Variants in FREM1 observed in about 807,000 individuals in gnomAD.
The protein encoded by FREM1 is FRAS1 related extracellular matrix 1.
FREM1 carries 220 observed loss-of-function variants against 210.1 expected under a neutral mutation model. The observed-to-expected ratio is 1.05, with a 90% CI of 0.94 to 1.17. The LOEUF (loss-of-function observed/expected upper bound fraction) is 1.17. Ranked by LOEUF, FREM1 falls within the 50% of genes most tolerant of loss-of-function variation. The pLI is 0.00. For synonymous variants in FREM1, 1,189 were observed against 980.2 expected (o/e 1.21, Z -3.98); for missense variants, 3,454 against 2,675.5 (o/e 1.29, Z -6.42).
At chr9:14,909,883 A>G (rs942024921) in intron 1 of FREM1, 31 bp downstream of exon 1, 2 of 152,256 alleles carry the variant, frequency 1.3e-5, no homozygotes, top group African/African-American at 2.4e-5. Context: ...CACAGTCACA[A>G]TGAAAAGAAA....
At chr9:14,747,520 CA>C in intron 32 of FREM1, 92 bp from the exon 33 acceptor site, 2 of 1,318,728 alleles carry the variant, frequency 1.5e-6, no homozygotes, top group Non-Finnish European at 2.1e-6. Context: ...TCAGTCAAAG[CA>C]AAAAGATAAG....
Position 14,885,566 on chromosome 9 carries a change from G to A in FREM1, c.-267-16322C>T, listed in dbSNP as rs573466613. Reference sequence around the variant, plus strand: ...CCCAGGTACCTGGGACTACAGGCATGCACCACCACATCTGGCTAATTGTTT... The same window carrying A: ...CCCAGGTACCTGGGACTACAGGCATACACCACCACATCTGGCTAATTGTTT... On this transcript the variant is annotated intron_variant, in intron 1 of 36. Transcript: ENST00000380880. Among the ~76,000 whole-genome samples, 237 of 152,192 alleles carry A rather than the reference G, an allele frequency of 1.6e-3. 1 individual carries two copies. The highest frequency in any genetic ancestry group is 5.3e-3 in the African/African-American group (220 of 41,536).
intron 20 of FREM1, among the ~76,000 whole-genome samples, chr9:14,799,222 G>A (rs1329838163): frequency 2.6e-5 from 4 of 151,866 alleles, no homozygotes; most frequent in African/African-American, 7.3e-5. Context: ...GGAAGTCCAG[G>A]CTGGAGTGAA....
chr9:14,801,889 A>G lies in FREM1; in HGVS notation c.3472-15T>C. 6.3e-7 allele frequency: 1 copy of G among 1,575,948 alleles called. No individual in the cohort carries two copies. The highest frequency in any genetic ancestry group is 8.7e-7 in the Non-Finnish European group (1 of 1,155,414). On this transcript the variant is annotated splice_polypyrimidine_tract_variant and intron_variant, in intron 19 of 36. Transcript: ENST00000380880. ...CCCTCACACACCTGAGCAAGAACAC[A>G]TGAGAAAAGTCAACAATGCATAAAA...
At chr9:14,864,268 T>A (rs1255177532) in intron 2 of FREM1, among the ~76,000 whole-genome samples, 1 of 152,244 alleles carries the variant, frequency 6.6e-6, no homozygotes, top group Non-Finnish European at 1.5e-5. Context: ...AGCAATTGAG[T>A]TAGAGAGTTC....
chr9:14,870,952 A>C (rs1171489917), intron 1 of FREM1, among the ~76,000 whole-genome samples: 1 of 151,500 alleles, frequency 6.6e-6, no homozygotes, highest in Admixed American at 6.6e-5. Flanking sequence ...ATGATTTCCA[A>C]TTTCATCCAT....
chr9:14,797,468 T>C (rs1227165291), intron 21 of FREM1, 30 bp downstream of exon 21: 1 of 1,570,322 alleles, frequency 6.4e-7, no homozygotes, highest in Non-Finnish European at 8.7e-7. Context: ...TGTATAGAAA[T>C]CTGAAAGGGA....
chr9:14,809,089 C>A (rs574224335), intron 16 of FREM1, among the ~76,000 whole-genome samples: 80 of 152,260 alleles, frequency 5.3e-4, no homozygotes, highest in African/African-American at 1.9e-3. Flanking sequence ...GGGGGCAGGT[C>A]TTTCCTGCGC....
At chr9:14,738,371 T>TC (rs35655474) in intron 36 of FREM1, among the ~76,000 whole-genome samples, 105,302 of 151,656 alleles carry the variant, frequency 0.69, 36,707 homozygotes, top group East Asian at 0.77. Flanking sequence ...CATTTTACCT[T>TC]CCCCAACTGT....
At chr9:14,798,236 T>A (rs1852813557) in intron 20 of FREM1, among the ~76,000 whole-genome samples, 1 of 152,170 alleles carries the variant, frequency 6.6e-6, no homozygotes, top group African/African-American at 2.4e-5. Flanking sequence ...AGTTTTAATA[T>A]CAAGAAACTG....
At chr9:14,744,479 G>A (rs1008018609) in intron 35 of FREM1, among the ~76,000 whole-genome samples, 1 of 151,820 alleles carries the variant, frequency 6.6e-6, no homozygotes, top group East Asian at 1.9e-4. Context: ...TTATATAAAT[G>A]CAATCATATA....
intron 21 of FREM1, among the ~76,000 whole-genome samples, chr9:14,795,307 G>T (rs1204937959): frequency 6.6e-6 from 1 of 152,162 alleles, no homozygotes; most frequent in African/African-American, 2.4e-5. Context: ...GAGATTGAGA[G>T]AAGTTAAACA....
At position 14,819,457 on chromosome 9, in the gene FREM1, G is replaced by A; in HGVS notation, c.2338-15C>T. ...TTGGTGAACGCCTAGAAAGAAGAAA[G>A]GAAGGAAACATTCAAAGCCTTTTTC... On this transcript the variant is annotated splice_polypyrimidine_tract_variant and intron_variant, in intron 13 of 36. Transcript: ENST00000380880. 3.8e-6 allele frequency: 6 copies of A among 1,566,058 alleles called. No individual in the cohort carries two copies. Among genetic ancestry groups the A allele is most frequent in the Non-Finnish European group, 5.3e-6 (6 of 1,139,658 alleles).
intron 1 of FREM1, among the ~76,000 whole-genome samples, chr9:14,907,418 G>A (rs1817944229): frequency 6.6e-6 from 1 of 152,112 alleles, no homozygotes; most frequent in Non-Finnish European, 1.5e-5. Context: ...CCTCTCACCT[G>A]GTAGCACAAA....
chr9:14,796,774 T>C (rs1051827690), intron 21 of FREM1, among the ~76,000 whole-genome samples: 5 of 152,164 alleles, frequency 3.3e-5, no homozygotes, highest in Non-Finnish European at 7.4e-5. Context: ...TCCTCTTCTG[T>C]CATGATTGTA....
At chr9:14,907,897 C>T (rs1818056789) in intron 1 of FREM1, among the ~76,000 whole-genome samples, 1 of 152,098 alleles carries the variant, frequency 6.6e-6, no homozygotes, top group South Asian at 2.1e-4. Context: ...GGAAGTGAAG[C>T]TTTGAGGGGT....
chr9:14,868,345 G>A (rs1168229101), intron 2 of FREM1, among the ~76,000 whole-genome samples: 1 of 146,012 alleles, frequency 6.8e-6, no homozygotes, highest in Non-Finnish European at 1.5e-5. Context: ...TCAAGCAGCT[G>A]GTGAGATATA....
At chr9:14,775,433 T>A (rs1402644588) in intron 25 of FREM1, among the ~76,000 whole-genome samples, 1 of 152,016 alleles carries the variant, frequency 6.6e-6, no homozygotes, top group Non-Finnish European at 1.5e-5. Context: ...TGGCCAGGCG[T>A]GATAGCTCAC....
chr9:14,869,499 A>G (rs1233982422), intron 1 of FREM1, among the ~76,000 whole-genome samples: 2 of 152,200 alleles, frequency 1.3e-5, no homozygotes, highest in Non-Finnish European at 2.9e-5. Flanking sequence ...CGGGATGTCA[A>G]CTGTGTGGTC....
Sources: gnomAD v4.1 joint callset for allele counts (sites outside exome capture counted in the v4.1 genomes callset) on GRCh38, gnomAD v4.1.1 for gene constraint, MANE v1.5 for transcripts, NCBI Gene and HGNC (gene_info 2026-07-23, HGNC 2026-07-21) for gene names.